RORA: variants seen among roughly 807,000 people sequenced by gnomAD.
The protein encoded by RORA is nuclear receptor ROR-alpha.
A neutral mutation model predicts 69.5 loss-of-function variants in RORA; 7 were observed. That is an observed-to-expected ratio of 0.10 (90% CI 0.06 to 0.19). The LOEUF is 0.19. Ranked by LOEUF, RORA falls within the 10% of genes least tolerant of loss-of-function variation. The probability of loss-of-function intolerance (pLI) is 1.00; values close to 1 mark genes in which losing one functional copy is unlikely to be tolerated. For missense variants in RORA, 457 were observed against 663.0 expected (o/e 0.69, Z 3.41); for synonymous variants, 261 against 240.8 (o/e 1.08, Z -0.78).
Position 61,147,764 on chromosome 15 carries a change from C to CGTGTGTGTGT in RORA, c.166+81288_166+81289insACACACACAC, listed in dbSNP as rs1435246094. 2.3e-3 allele frequency among the ~76,000 whole-genome samples: 77 copies of CGTGTGTGTGT among 33,648 alleles called. No homozygotes were observed. Among genetic ancestry groups the CGTGTGTGTGT allele is most frequent in the African/African-American group, 5.4e-3 (72 of 13,428 alleles). The allele number at this position is 33,648 out of a possible 152,430, so 22.1% of individuals were successfully genotyped here. On this transcript the variant is annotated intron_variant, in intron 1 of 10. Transcript: ENST00000335670. The surrounding 1 kb of genome is among the most constrained non-coding windows in gnomAD (Gnocchi z 4.1). ...GATGGTCAGTAGGCACGTGCGCACA[C>CGTGTGTGTGT]GCGTGTGTGTGTGTGTGTGTGTGTG...
intron 1 of RORA, among the ~76,000 whole-genome samples, chr15:61,215,031 ATTTTTTTT>A (rs61132940): frequency 5.0e-5 from 4 of 80,626 alleles, no homozygotes; most frequent in East Asian, 3.7e-4. Context: ...CGCCCAGCTA[ATTTTTTTT>A]TTTTTTTTTT....
chr15:60,801,334 G>T (rs1162430020), intron 1 of RORA, among the ~76,000 whole-genome samples: 1 of 152,184 alleles, frequency 6.6e-6, no homozygotes, highest in African/African-American at 2.4e-5. Flanking sequence ...GGGCTCAGAG[G>T]TAAGAATATT....
chr15:60,900,644 C>A (rs60922822), intron 1 of RORA, among the ~76,000 whole-genome samples: 1 of 152,022 alleles, frequency 6.6e-6, no homozygotes. Context: ...GAGGCCGAGG[C>A]GGGTGCATCA....
At chr15:60,856,720 G>C (rs1453170922) in intron 1 of RORA, among the ~76,000 whole-genome samples, 7 of 152,224 alleles carry the variant, frequency 4.6e-5, no homozygotes, top group Non-Finnish European at 8.8e-5. Flanking sequence ...AAGAGAGAAA[G>C]TGCTGCCTCT....
At chr15:60,615,599 G>A (rs936298173) in intron 2 of RORA, among the ~76,000 whole-genome samples, 1 of 152,198 alleles carries the variant, frequency 6.6e-6, no homozygotes, top group African/African-American at 2.4e-5. Context: ...GGTGGAGGAA[G>A]AATGTGAGCT....
chr15:60,503,454 C>G, intron 7 of RORA, 81 bp downstream of exon 7: 1 of 1,456,690 alleles, frequency 6.9e-7, no homozygotes, highest in Non-Finnish European at 9.4e-7. Flanking sequence ...TTCCCGACAC[C>G]TTCCTTACCA....
chr15:60,908,354 A>G (rs1282697963), intron 1 of RORA, among the ~76,000 whole-genome samples: 1 of 152,212 alleles, frequency 6.6e-6, no homozygotes, highest in Non-Finnish European at 1.5e-5. Context: ...AATACTAATC[A>G]AAATGGAATG....
chr15:60,556,771 TC>T, intron 2 of RORA: 1 of 1,009,390 alleles, frequency 9.9e-7, no homozygotes, highest in South Asian at 1.5e-5. Flanking sequence ...GGAGGCTCCA[TC>T]TTTGATTCAA....
intron 3 of RORA, among the ~76,000 whole-genome samples, chr15:60,527,418 T>C (rs915968098): frequency 1.1e-4 from 17 of 152,280 alleles, no homozygotes; most frequent in African/African-American, 3.4e-4. Flanking sequence ...ACTTTGAAGA[T>C]TGAACTTTAA....
At chr15:60,608,832 C>G (rs17303069) in intron 2 of RORA, among the ~76,000 whole-genome samples, 3,139 of 152,156 alleles carry the variant, frequency 0.021, 220 homozygotes, top group Admixed American at 0.14. Context: ...TTTAATAAAT[C>G]AGGCCTTATA....
At position 61,229,180 on chromosome 15, in the gene RORA, G is replaced by C; in HGVS notation, c.39C>G (p.Ser13Arg). Residue 13 changes from serine (S) to arginine (R), a missense_variant, in exon 1 of 11, where the codon AGC becomes AGG. By Grantham distance (110) the Ser-to-Arg change is moderately radical. This residue lies in a region of RORA where 119 missense variants were observed against 92.4 expected (regional missense o/e 1.29). Transcript: ENST00000335670. Reference protein sequence around the residue: ...SAPAAPDPAASEPGSSGADAA... With the variant: ...SAPAAPDPAAREPGSSGADAA... ...CGTCCGCGCCGCTGCTGCCTGGCTCGCTGGCGGCGGGGTCGGGGGCTGCCG... is the reference window on the plus strand; with the variant it reads ...CGTCCGCGCCGCTGCTGCCTGGCTCCCTGGCGGCGGGGTCGGGGGCTGCCG... 1.3e-6 allele frequency: 2 copies of C among 1,555,322 alleles called. No individual in the cohort carries two copies. The highest frequency in any genetic ancestry group is 1.2e-5 in the South Asian group (1 of 84,826).
chr15:61,151,150 A>T (rs554015130), intron 1 of RORA, among the ~76,000 whole-genome samples: 3 of 152,282 alleles, frequency 2.0e-5, no homozygotes, highest in Admixed American at 1.3e-4. Flanking sequence ...TTTCATTGCT[A>T]CCAATTGATA....
intron 1 of RORA, among the ~76,000 whole-genome samples, chr15:61,198,586 C>T (rs1550224): frequency 0.97 from 146,870 of 152,020 alleles, 71,137 homozygotes; most frequent in East Asian, 1. Context: ...AGAAGTATTA[C>T]CCAAAAATGT....
intron 1 of RORA, among the ~76,000 whole-genome samples, chr15:60,861,704 C>A (rs75522577): frequency 1.3e-5 from 2 of 152,132 alleles, no homozygotes; most frequent in Admixed American, 1.3e-4. Flanking sequence ...TTCCAAGGAA[C>A]GAGATGTCCC....
At chr15:60,952,649 A>G (rs973291289) in intron 1 of RORA, among the ~76,000 whole-genome samples, 25 of 152,332 alleles carry the variant, frequency 1.6e-4, no homozygotes, top group East Asian at 5.8e-4. Flanking sequence ...CACCAATAAC[A>G]GACAAACAGA....
intron 1 of RORA, among the ~76,000 whole-genome samples, chr15:61,137,921 C>T (rs2079260592): frequency 6.6e-6 from 1 of 152,076 alleles, no homozygotes. Flanking sequence ...GAAAGAGAAA[C>T]ATATAAATTG....
At chr15:61,153,315 T>C (rs8033510) in intron 1 of RORA, among the ~76,000 whole-genome samples, 86,268 of 152,026 alleles carry the variant, frequency 0.57, 25,358 homozygotes, top group South Asian at 0.7. Flanking sequence ...TATACCTAAG[T>C]GGGGTGGGAT....
chr15:60,989,148 C>A (rs1034242198), intron 1 of RORA, among the ~76,000 whole-genome samples: 5 of 152,176 alleles, frequency 3.3e-5, no homozygotes, highest in African/African-American at 7.2e-5. Flanking sequence ...TCTGCAACCA[C>A]TACCTCTTTC....
At chr15:60,890,216 C>T (rs186886669) in intron 1 of RORA, among the ~76,000 whole-genome samples, 102 of 152,212 alleles carry the variant, frequency 6.7e-4, no homozygotes, top group Non-Finnish European at 1.0e-3. Context: ...TTATTCTAAC[C>T]CCCTTATTTT....
Sources: allele counts gnomAD v4.1 joint callset (sites outside exome capture counted in the v4.1 genomes callset), GRCh38; gene constraint gnomAD v4.1.1; regional missense constraint gnomAD v4.1.1; non-coding constraint Gnocchi (gnomAD v3.1); transcripts MANE v1.5; gene names NCBI Gene and HGNC (gene_info 2026-07-23, HGNC 2026-07-21).